Variants in PROK2 observed in about 807,000 individuals in gnomAD.
The protein encoded by PROK2 is prokineticin-2.
Under a neutral mutation model 14.2 loss-of-function variants are expected in PROK2, and 8 were observed. The ratio of observed to expected loss-of-function variants is 0.56; its 90% CI spans 0.33 to 1.02. The LOEUF (loss-of-function observed/expected upper bound fraction) is 1.02. Ranked by LOEUF, PROK2 falls within the 50% of genes least tolerant of loss-of-function variation. The pLI is 0.03. For synonymous variants in PROK2, 59 were observed against 60.7 expected (o/e 0.97, Z 0.13); for missense variants, 154 against 160.4 (o/e 0.96, Z 0.22).
intron 2 of PROK2, among the ~76,000 whole-genome samples, chr3:71,779,509 C>T (rs1466439316): frequency 1.3e-5 from 2 of 152,182 alleles, no homozygotes; most frequent in South Asian, 2.1e-4. Flanking sequence ...AACATAGTTC[C>T]ATGGGATATG....
At chr3:71,783,578 C>G (rs1009975663) in intron 1 of PROK2, among the ~76,000 whole-genome samples, 1 of 152,142 alleles carries the variant, frequency 6.6e-6, no homozygotes, top group African/African-American at 2.4e-5. Flanking sequence ...TCATCCTTAA[C>G]CCATTGCAAA....
At chr3:71,777,668 T>C (rs2050130180) in intron 2 of PROK2, among the ~76,000 whole-genome samples, 1 of 152,088 alleles carries the variant, frequency 6.6e-6, no homozygotes, top group Non-Finnish European at 1.5e-5. Context: ...TTGTTTAAAC[T>C]GAAAAAATTC....
At chr3:71,782,618 A>G (rs1170098706) in intron 1 of PROK2, among the ~76,000 whole-genome samples, 1 of 152,240 alleles carries the variant, frequency 6.6e-6, no homozygotes, top group Non-Finnish European at 1.5e-5. Context: ...AGATAAAAAC[A>G]TCCTGTACTA....
chr3:71,783,847 A>G (rs2050189190), intron 1 of PROK2, among the ~76,000 whole-genome samples: 1 of 152,256 alleles, frequency 6.6e-6, no homozygotes, highest in Non-Finnish European at 1.5e-5. Context: ...TTACAGTTAA[A>G]TATCTGTTGG....
At chr3:71,778,287 A>G (rs994513929) in intron 2 of PROK2, among the ~76,000 whole-genome samples, 1 of 152,174 alleles carries the variant, frequency 6.6e-6, no homozygotes, top group Non-Finnish European at 1.5e-5. Context: ...TTTAAAATGT[A>G]TTTAGAAAAT....
rs571251341 is a variant in PROK2 at position 71,777,367 on chromosome 3, T to C, written c.223-2860A>G. On this transcript the variant is annotated intron_variant, in intron 2 of 3. Coordinates refer to ENST00000295619, the MANE Select transcript of PROK2 (RefSeq NM_001126128.2). ...TAAATTTCTAGTTGCATTAGTTATA[T>C]TTTAGTATTTTAAAATTTTTTTACT... Among the ~76,000 whole-genome samples the C allele has an allele frequency of 1.1e-4, 17 of 152,308 alleles. No homozygotes were observed. The South Asian group carries it at 3.1e-3, about 28-fold the overall frequency.
chr3:71,776,005 A>G (rs1385308167), intron 2 of PROK2, among the ~76,000 whole-genome samples: 1 of 152,158 alleles, frequency 6.6e-6, no homozygotes, highest in East Asian at 1.9e-4. Context: ...AAACTCAGAG[A>G]TGGACTCACC....
intron 3 of PROK2, among the ~76,000 whole-genome samples, chr3:71,773,526 C>A (rs894379750): frequency 6.6e-6 from 1 of 152,130 alleles, no homozygotes; most frequent in Non-Finnish European, 1.5e-5. Context: ...TTATGGTATC[C>A]TATCATTGAA....
At chr3:71,775,513 G>GTA (rs2050111209) in intron 2 of PROK2, among the ~76,000 whole-genome samples, 1 of 152,172 alleles carries the variant, frequency 6.6e-6, no homozygotes, top group Admixed American at 6.5e-5. Flanking sequence ...CTTGGGCCCA[G>GTA]CAGAAAAGAA....
At chr3:71,779,302 T>C (rs2050143922) in intron 2 of PROK2, among the ~76,000 whole-genome samples, 1 of 152,226 alleles carries the variant, frequency 6.6e-6, no homozygotes, top group African/African-American at 2.4e-5. Context: ...TAAGACCACA[T>C]AAACAACAGA....
intron 2 of PROK2, among the ~76,000 whole-genome samples, chr3:71,780,693 A>T (rs774358204): frequency 2.0e-5 from 3 of 152,180 alleles, no homozygotes; most frequent in Non-Finnish European, 2.9e-5. Flanking sequence ...AAAGGTTTTC[A>T]ACCAGAAGGC....
At chr3:71,776,363 CATTTTTTTT>C (rs1241465402) in intron 2 of PROK2, among the ~76,000 whole-genome samples, 97 of 92,068 alleles carry the variant, frequency 1.1e-3, no homozygotes, top group Admixed American at 4.4e-3. Flanking sequence ...TTTCGCTTTT[CATTTTTTTT>C]TTTTTTTTTT....
chr3:71,782,863 A>T (rs2050170583), intron 1 of PROK2, among the ~76,000 whole-genome samples: 1 of 152,220 alleles, frequency 6.6e-6, no homozygotes, highest in African/African-American at 2.4e-5. Context: ...TATTTAAACA[A>T]AGTATCTGGA....
At chr3:71,778,240 T>G (rs185517770) in intron 2 of PROK2, among the ~76,000 whole-genome samples, 1 of 151,888 alleles carries the variant, frequency 6.6e-6, no homozygotes, top group East Asian at 1.9e-4. Context: ...AATAAAAAAT[T>G]TGAGAAAAAT....
chr3:71,772,948 A>G, intron 3 of PROK2, 120 bp from the exon 4 acceptor site: 4 of 765,640 alleles, frequency 5.2e-6, no homozygotes, highest in Non-Finnish European at 9.2e-6. Context: ...TTAACTACCC[A>G]TTAGGCAATA....
At chr3:71,783,185 T>C (rs2050172476) in intron 1 of PROK2, among the ~76,000 whole-genome samples, 1 of 152,208 alleles carries the variant, frequency 6.6e-6, no homozygotes. Context: ...CTTTTTTTTA[T>C]GAACCAATCA....
At chr3:71,775,196 G>A (rs2050109006) in intron 2 of PROK2, among the ~76,000 whole-genome samples, 1 of 152,204 alleles carries the variant, frequency 6.6e-6, no homozygotes, top group Non-Finnish European at 1.5e-5. Flanking sequence ...GGAGCCTGAA[G>A]TGTGTCAGTG....
chr3:71,785,144 G>C lies in PROK2; in HGVS notation c.-92C>G. 6 of 874,918 alleles carry C rather than the reference G, an allele frequency of 6.9e-6. No homozygotes were observed. The highest frequency in any genetic ancestry group is 8.9e-6 in the Non-Finnish European group (6 of 673,854). The allele number at this position is 874,918 out of a possible 1,614,324, so 54.2% of individuals were successfully genotyped here. On this transcript the variant is annotated 5_prime_UTR_variant, in exon 1 of 4. Transcript: ENST00000295619. ...AGCGCGGAGCGGCGGGCGGACGGGC[G>C]CGGCGGCTCCCGCGAGCCTCCGGGC...
At chr3:71,772,898 G>T in intron 3 of PROK2, 70 bp from the exon 4 acceptor site, 1 of 1,325,120 alleles carries the variant, frequency 7.5e-7, no homozygotes, top group Non-Finnish European at 1.1e-6. Flanking sequence ...TCATTCTTGA[G>T]ATAGCTCTTT....
Sources: gnomAD v4.1 joint callset for allele counts (sites outside exome capture counted in the v4.1 genomes callset) on GRCh38, gnomAD v4.1.1 for gene constraint, MANE v1.5 for transcripts, NCBI Gene and HGNC (gene_info 2026-07-23, HGNC 2026-07-21) for gene names.